Variants in SPIDR observed in about 807,000 individuals in gnomAD.
SPIDR encodes DNA repair-scaffolding protein.
Under a neutral mutation model 104.6 loss-of-function variants are expected in SPIDR, and 93 were observed. The observed-to-expected ratio is 0.89, with a 90% CI of 0.75 to 1.06. The LOEUF (loss-of-function observed/expected upper bound fraction) is 1.06, where lower values mean the gene tolerates loss of function less well. Ranked by LOEUF, SPIDR falls within the 50% of genes least tolerant of loss-of-function variation. The probability of loss-of-function intolerance (pLI) is 0.00; values close to 1 mark genes in which losing one functional copy is unlikely to be tolerated. For synonymous variants in SPIDR, 431 were observed against 416.9 expected, an observed-to-expected ratio of 1.03 and a Z score of -0.41; for missense variants, 1,154 against 1,111.2, an observed-to-expected ratio of 1.04 and a Z score of -0.55.
At chr8:47,653,812 T>C (rs770523488) in intron 10 of SPIDR, among the ~76,000 whole-genome samples, 60 of 151,320 alleles carry the variant, frequency 4.0e-4, no homozygotes, top group Non-Finnish European at 8.0e-4. Context: ...AGAAAAGAGC[T>C]CCTCAAGTTA....
chr8:47,664,990 A>G (rs1379271110), intron 10 of SPIDR, among the ~76,000 whole-genome samples: 1 of 152,208 alleles, frequency 6.6e-6, no homozygotes, highest in Non-Finnish European at 1.5e-5. Context: ...GACATGATTA[A>G]GTGCACCAAA....
intron 1 of SPIDR, among the ~76,000 whole-genome samples, chr8:47,265,894 G>C (rs1468676308): frequency 2.0e-5 from 3 of 152,060 alleles, no homozygotes; most frequent in African/African-American, 7.2e-5. Context: ...TGGTGGAAGA[G>C]GTAAAGGAGC....
chr8:47,540,129 G>C (rs2087810092), intron 8 of SPIDR, among the ~76,000 whole-genome samples: 1 of 152,138 alleles, frequency 6.6e-6, no homozygotes, highest in Admixed American at 6.5e-5. Flanking sequence ...GCTGAGACAA[G>C]GTTTGAATCC....
At chr8:47,649,020 G>A (rs987781092) in intron 10 of SPIDR, among the ~76,000 whole-genome samples, 1 of 152,106 alleles carries the variant, frequency 6.6e-6, no homozygotes, top group African/African-American at 2.4e-5. Context: ...ATCACCTTAA[G>A]TTTTAAAAAG....
chr8:47,641,679 C>T (rs766913420), intron 10 of SPIDR, among the ~76,000 whole-genome samples: 3 of 152,122 alleles, frequency 2.0e-5, no homozygotes, highest in African/African-American at 4.8e-5. Context: ...GGCTCCCCTG[C>T]AGCCTCTCAA....
intron 5 of SPIDR, among the ~76,000 whole-genome samples, chr8:47,339,729 G>GCCA (rs2050386117): frequency 6.7e-6 from 1 of 149,284 alleles, no homozygotes. Flanking sequence ...GCCTGGACTG[G>GCCA]AGTGCAATGG....
intron 8 of SPIDR, among the ~76,000 whole-genome samples, chr8:47,510,271 G>T (rs545705136): frequency 6.6e-6 from 1 of 152,290 alleles, no homozygotes; most frequent in South Asian, 2.1e-4. Flanking sequence ...GTAATTATGT[G>T]TGCACACACA....
chr8:47,515,308 T>C (rs1413894563), intron 8 of SPIDR, among the ~76,000 whole-genome samples: 1 of 152,262 alleles, frequency 6.6e-6, no homozygotes, highest in Non-Finnish European at 1.5e-5. Context: ...GTTCAAAATA[T>C]GAGGGATTGT....
chr8:47,387,911 C>T (rs1397208216), intron 5 of SPIDR, among the ~76,000 whole-genome samples: 1 of 152,192 alleles, frequency 6.6e-6, no homozygotes, highest in Admixed American at 6.5e-5. Flanking sequence ...CATTCAAGAT[C>T]CTCCACAGCT....
chr8:47,700,266 TC>T, intron 11 of SPIDR, 136 bp from the exon 12 acceptor site: 1 of 892,282 alleles, frequency 1.1e-6, no homozygotes, highest in Non-Finnish European at 1.9e-6. Flanking sequence ...TTCTTCCCCC[TC>T]TGAATCGCCA....
At chr8:47,639,896 G>A (rs958736543) in intron 10 of SPIDR, among the ~76,000 whole-genome samples, 5 of 151,500 alleles carry the variant, frequency 3.3e-5, no homozygotes, top group Non-Finnish European at 7.4e-5. Context: ...GTAGTAAGCC[G>A]AGATCGCACC....
chr8:47,673,310 G>A (rs1016373616), intron 10 of SPIDR: 9 of 425,604 alleles, frequency 2.1e-5, no homozygotes, highest in African/African-American at 4.0e-5. Context: ...GTGTCTAAAC[G>A]TGTACTGTCG....
At chr8:47,453,615 C>T (rs2072337650) in intron 8 of SPIDR, among the ~76,000 whole-genome samples, 1 of 152,090 alleles carries the variant, frequency 6.6e-6, no homozygotes, top group Non-Finnish European at 1.5e-5. Flanking sequence ...GGAAAGGATT[C>T]CCTATTTAAT....
At chr8:47,389,083 T>G (rs1389630116) in intron 5 of SPIDR, among the ~76,000 whole-genome samples, 2 of 152,210 alleles carry the variant, frequency 1.3e-5, no homozygotes, top group Admixed American at 1.3e-4. Flanking sequence ...ATAACTTTAT[T>G]GTATTTAAAC....
Position 47,641,872 on chromosome 8 carries a change from A to G in SPIDR, c.1545-31929A>G, listed in dbSNP as rs79962095. Among the ~76,000 whole-genome samples, 747 of 152,330 alleles carry G rather than the reference A, an allele frequency of 4.9e-3. 17 individuals carry two copies. The highest frequency in any genetic ancestry group is 0.035 in the Admixed American group (538 of 15,298). Reference sequence around the variant, plus strand: ...GCTCAGTGGTGAACTGAGATGGAATACCTGCCAGCAGCTGGGCAGAGGAAA... The same window carrying G: ...GCTCAGTGGTGAACTGAGATGGAATGCCTGCCAGCAGCTGGGCAGAGGAAA... On this transcript the variant is annotated intron_variant, in intron 10 of 19. Transcript: ENST00000297423.
At chr8:47,403,550 A>G (rs1225460772) in intron 6 of SPIDR, among the ~76,000 whole-genome samples, 1 of 152,184 alleles carries the variant, frequency 6.6e-6, no homozygotes, top group African/African-American at 2.4e-5. Flanking sequence ...AAGCATTCTT[A>G]TACACCAATA....
chr8:47,358,452 C>T (rs1332205567), intron 5 of SPIDR, among the ~76,000 whole-genome samples: 5 of 151,816 alleles, frequency 3.3e-5, no homozygotes, highest in East Asian at 3.8e-4. Context: ...TTCTCAAATA[C>T]CTTATGTTAG....
intron 8 of SPIDR, among the ~76,000 whole-genome samples, chr8:47,509,177 C>T (rs1255964016): frequency 6.6e-6 from 1 of 152,212 alleles, no homozygotes; most frequent in Non-Finnish European, 1.5e-5. Flanking sequence ...AGCTTACACA[C>T]ACTTTGGCCC....
chr8:47,610,591 G>A (rs2063482120), intron 10 of SPIDR, among the ~76,000 whole-genome samples: 1 of 152,206 alleles, frequency 6.6e-6, no homozygotes, highest in Non-Finnish European at 1.5e-5. Flanking sequence ...CAGCCAGCTG[G>A]CGGGTTTGGT....
Sources: allele counts gnomAD v4.1 joint callset (sites outside exome capture counted in the v4.1 genomes callset), GRCh38; gene constraint gnomAD v4.1.1; transcripts MANE v1.5; gene names NCBI Gene and HGNC (gene_info 2026-07-23, HGNC 2026-07-21).